AGPS: variants seen among roughly 807,000 people sequenced by gnomAD.
The protein encoded by AGPS is alkyldihydroxyacetonephosphate synthase, peroxisomal.
In AGPS, 26 loss-of-function variants were observed where a neutral mutation model predicts 90.7. The observed-to-expected ratio is 0.29, with a 90% confidence interval of 0.21 to 0.40. The LOEUF (loss-of-function observed/expected upper bound fraction) is 0.40, where lower values mean the gene tolerates loss of function less well. AGPS is among the 10% of genes least tolerant of loss of function. The pLI is 1.00. For synonymous variants in AGPS, 294 were observed against 285.3 expected, an observed-to-expected ratio of 1.03 and a Z score of -0.31; for missense variants, 540 against 816.1, an observed-to-expected ratio of 0.66 and a Z score of 4.12.
In AGPS at chr2:177,539,499, C is replaced by G. The variant is rs1442707477; in HGVS notation, c.*1304C>G. 1 of 151,874 alleles carries G rather than the reference C, an allele frequency of 6.6e-6. No individual in the cohort carries two copies. The highest frequency in any genetic ancestry group is 1.5e-5 in the Non-Finnish European group (1 of 67,882). 9.4% of individuals were successfully genotyped at this position (151,874 alleles called of 1,614,324 possible). A position where few individuals can be genotyped will look rare whatever the true frequency, so the allele number is the denominator to read the frequency against. On this transcript the variant is annotated 3_prime_UTR_variant, in exon 20 of 20. Transcript: ENST00000264167. The stretch of plus-strand genomic sequence containing the variant: ...ATGGATTCTTTTCTTAATGCAATAC[C>G]TAACTTTTGATAATTTTTTAAAACT...
intron 1 of AGPS, among the ~76,000 whole-genome samples, chr2:177,420,031 A>C (rs569100221): frequency 2.0e-5 from 3 of 151,900 alleles, no homozygotes; most frequent in East Asian, 3.9e-4. Context: ...CTTCCTTTGA[A>C]TGCATTAAAT....
chr2:177,510,616 A>G (rs2105723415), intron 16 of AGPS, among the ~76,000 whole-genome samples: 1 of 152,226 alleles, frequency 6.6e-6, no homozygotes, highest in Non-Finnish European at 1.5e-5. Flanking sequence ...CTTTATATAT[A>G]CTTACATATT....
At chr2:177,428,346 A>C (rs766966588) in intron 2 of AGPS, among the ~76,000 whole-genome samples, 4 of 152,128 alleles carry the variant, frequency 2.6e-5, no homozygotes, top group Non-Finnish European at 5.9e-5. Context: ...ATTATGTGTG[A>C]ATTTGATCCT....
At chr2:177,507,633 A>G (rs1297419515) in intron 15 of AGPS, among the ~76,000 whole-genome samples, 1 of 152,180 alleles carries the variant, frequency 6.6e-6, no homozygotes, top group African/African-American at 2.4e-5. Context: ...TATGCCACTA[A>G]AATTCTGTTC....
chr2:177,423,745 G>A (rs142145363), intron 2 of AGPS, among the ~76,000 whole-genome samples: 1 of 152,274 alleles, frequency 6.6e-6, no homozygotes, highest in Non-Finnish European at 1.5e-5. Context: ...TAGAATAACA[G>A]CTTTTCCCCT....
intron 11 of AGPS, among the ~76,000 whole-genome samples, chr2:177,488,353 C>T (rs572150295): frequency 1.3e-5 from 2 of 151,974 alleles, no homozygotes; most frequent in Non-Finnish European, 2.9e-5. Context: ...GCTGGGACTA[C>T]AGGCGCCCGC....
At chr2:177,475,112 A>T (rs766475142) in intron 10 of AGPS, among the ~76,000 whole-genome samples, 11 of 152,244 alleles carry the variant, frequency 7.2e-5, no homozygotes, top group Non-Finnish European at 1.6e-4. Flanking sequence ...TTCATGCCTT[A>T]GGAATTTCTG....
chr2:177,523,611 A>G (rs1313789960), intron 18 of AGPS, 137 bp from the exon 19 acceptor site: 2 of 744,426 alleles, frequency 2.7e-6, no homozygotes, highest in Non-Finnish European at 4.6e-6. Flanking sequence ...ACATTTGACC[A>G]AAAGAGAGGA....
At chr2:177,434,512 C>T in intron 3 of AGPS, 95 bp downstream of exon 3, 2 of 933,786 alleles carry the variant, frequency 2.1e-6, no homozygotes, top group East Asian at 2.6e-5. Context: ...ATTGGATTTA[C>T]TGCAACTGTC....
intron 11 of AGPS, among the ~76,000 whole-genome samples, chr2:177,491,410 C>T (rs1180406905): frequency 6.6e-6 from 1 of 150,558 alleles, no homozygotes; most frequent in African/African-American, 2.4e-5. Flanking sequence ...AGGTGTGTGC[C>T]ACCATGTCTG....
At chr2:177,413,272 C>A (rs1279535815) in intron 1 of AGPS, among the ~76,000 whole-genome samples, 1 of 152,094 alleles carries the variant, frequency 6.6e-6, no homozygotes, top group African/African-American at 2.4e-5. Context: ...CAAAGGACAG[C>A]AGGGGAAGGG....
chr2:177,476,923 A>C (rs1213514360), intron 10 of AGPS, among the ~76,000 whole-genome samples: 2 of 151,888 alleles, frequency 1.3e-5, no homozygotes, highest in South Asian at 4.2e-4. Context: ...ATAGCTAGTA[A>C]TATTTTGTTT....
intron 8 of AGPS, among the ~76,000 whole-genome samples, chr2:177,446,274 C>T (rs189701900): frequency 6.6e-6 from 1 of 152,266 alleles, no homozygotes; most frequent in Admixed American, 6.5e-5. Context: ...CTGCCTCAGC[C>T]TCCCCAGTAG....
At chr2:177,443,307 G>T (rs989073516) in intron 7 of AGPS, among the ~76,000 whole-genome samples, 10 of 152,076 alleles carry the variant, frequency 6.6e-5, no homozygotes, top group African/African-American at 2.4e-4. Context: ...GCTCACATTT[G>T]CTTTCCATTG....
intron 11 of AGPS, 138 bp downstream of exon 11, chr2:177,482,324 C>G (rs2105693831): frequency 4.3e-6 from 2 of 466,122 alleles, no homozygotes; most frequent in East Asian, 1.0e-4. Context: ...GTGGTTTTTA[C>G]CCAGTTCTAT....
At chr2:177,472,176 A>T in intron 10 of AGPS, among the ~76,000 whole-genome samples, 1 of 145,424 alleles carries the variant, frequency 6.9e-6, no homozygotes, top group Non-Finnish European at 1.5e-5. Context: ...CGTATGTTTG[A>T]CTTTCTTTGC....
In AGPS at chr2:177,508,001, A is replaced by G; in HGVS notation, c.1577A>G (p.Glu526Gly). ...DLALEYYVLG[E>G]SFETSAPWDR... The stretch of plus-strand genomic sequence containing the variant: ...GCTTTGGAATACTATGTATTAGGAG[A>G]ATCTTTTGAGACTTCTGCTCCTTGG... The change falls in exon 16 of 20, where the codon GAA (glutamate) becomes GGA (glycine). Residue 526 changes from glutamate to glycine, a missense_variant. Coordinates refer to ENST00000264167, the MANE Select transcript of AGPS (RefSeq NM_003659.4). 6.2e-7 allele frequency: 1 copy of G among 1,613,100 alleles called. No homozygotes were observed.
intron 8 of AGPS, among the ~76,000 whole-genome samples, chr2:177,451,951 G>C (rs1686965804): frequency 7.2e-5 from 3 of 41,422 alleles, no homozygotes; most frequent in African/African-American, 2.1e-4. Context: ...TACTCACCAT[G>C]TATATATGTT....
intron 1 of AGPS, among the ~76,000 whole-genome samples, chr2:177,400,261 C>G (rs1331591884): frequency 6.6e-6 from 1 of 152,104 alleles, no homozygotes; most frequent in Non-Finnish European, 1.5e-5. Context: ...GCAGTGTTCA[C>G]ATATTATTTA....
Sources: gnomAD v4.1 joint callset for allele counts (sites outside exome capture counted in the v4.1 genomes callset) on GRCh38, gnomAD v4.1.1 for gene constraint, MANE v1.5 for transcripts, NCBI Gene and HGNC (gene_info 2026-07-23, HGNC 2026-07-21) for gene names.